The following CACNG2 variants were observed in gnomAD, a reference collection of about 807,000 sequenced individuals.
CACNG2 encodes voltage-dependent calcium channel gamma-2 subunit.
In CACNG2, 3 loss-of-function variants were observed where a neutral mutation model predicts 25.9. The ratio of observed to expected loss-of-function variants is 0.12; its 90% CI spans 0.05 to 0.30. CACNG2 has a LOEUF of 0.30. Ranked by LOEUF, CACNG2 falls within the 10% of genes least tolerant of loss-of-function variation. The pLI, the probability that CACNG2 is intolerant of heterozygous loss-of-function variation, is 1.00. For missense variants in CACNG2, 341 were observed against 432.5 expected (o/e 0.79, Z 1.88); for synonymous variants, 167 against 173.3 (o/e 0.96, Z 0.29).
intron 1 of CACNG2, among the ~76,000 whole-genome samples, chr22:36,590,838 C>T (rs1367635216): frequency 6.6e-6 from 1 of 152,134 alleles, no homozygotes; most frequent in African/African-American, 2.4e-5. Flanking sequence ...CCTCCTCCCT[C>T]CCTGTGCATC....
chr22:36,586,957 C>CT (rs552111507), intron 2 of CACNG2, among the ~76,000 whole-genome samples: 4,035 of 140,482 alleles, frequency 0.029, 66 homozygotes, highest in Middle Eastern at 0.074. Context: ...AAATCTCTCT[C>CT]TTTTTTTTTT....
intron 1 of CACNG2, among the ~76,000 whole-genome samples, chr22:36,613,256 A>G (rs1470176794): frequency 6.6e-6 from 1 of 151,976 alleles, no homozygotes; most frequent in Non-Finnish European, 1.5e-5. Flanking sequence ...ACTGCAGTAA[A>G]TGAATCTTGG....
At chr22:36,660,552 T>G (rs9622449) in intron 1 of CACNG2, among the ~76,000 whole-genome samples, 15,767 of 152,328 alleles carry the variant, frequency 0.1, 2,710 homozygotes, top group African/African-American at 0.36. Flanking sequence ...TTGAGCACAC[T>G]GCGCTGAGCT....
intron 1 of CACNG2, among the ~76,000 whole-genome samples, chr22:36,654,035 G>A (rs954689542): frequency 1.1e-4 from 16 of 150,062 alleles, no homozygotes; most frequent in African/African-American, 3.7e-4. Flanking sequence ...CGCATTTGGG[G>A]GGTACTTTCA....
intron 1 of CACNG2, among the ~76,000 whole-genome samples, chr22:36,596,169 CTGAG>C (rs1197366640): frequency 6.6e-6 from 1 of 152,182 alleles, no homozygotes; most frequent in African/African-American, 2.4e-5. Context: ...AGGAGGCTGT[CTGAG>C]TAATTTTTTA....
chr22:36,587,267 G>A (rs1935520318), intron 2 of CACNG2, among the ~76,000 whole-genome samples, 198 bp downstream of exon 2: 1 of 152,166 alleles, frequency 6.6e-6, no homozygotes, highest in East Asian at 1.9e-4. Context: ...GCCAGACAAA[G>A]ACGGGCAGGG....
chr22:36,602,091 A>G (rs1464046912), intron 1 of CACNG2, among the ~76,000 whole-genome samples: 2 of 152,056 alleles, frequency 1.3e-5, no homozygotes, highest in African/African-American at 4.8e-5. Context: ...ACACTTTTCC[A>G]TTTACCTATT....
At chr22:36,620,430 A>G (rs1321233257) in intron 1 of CACNG2, among the ~76,000 whole-genome samples, 1 of 152,238 alleles carries the variant, frequency 6.6e-6, no homozygotes, top group Non-Finnish European at 1.5e-5. Flanking sequence ...ATTTGGAGAA[A>G]AAGGATTCTA....
intron 1 of CACNG2, among the ~76,000 whole-genome samples, chr22:36,611,501 G>C (rs1935938652): frequency 6.6e-6 from 1 of 152,212 alleles, no homozygotes; most frequent in Non-Finnish European, 1.5e-5. Flanking sequence ...CCAGGAACTG[G>C]TAAACAGCTG....
At chr22:36,660,777 C>G (rs998821135) in intron 1 of CACNG2, among the ~76,000 whole-genome samples, 2 of 152,262 alleles carry the variant, frequency 1.3e-5, no homozygotes, top group East Asian at 1.9e-4. Context: ...TGCCCCATAA[C>G]AGCCCAGAGC....
At chr22:36,659,012 A>G (rs1005130693) in intron 1 of CACNG2, among the ~76,000 whole-genome samples, 4 of 152,210 alleles carry the variant, frequency 2.6e-5, no homozygotes, top group Non-Finnish European at 4.4e-5. Context: ...CTTTCACTCC[A>G]GCATGTGGCT....
At position 36,606,023 on chromosome 22, in the gene CACNG2, G is replaced by T. The variant is rs1023653311; in HGVS notation, c.212-18475C>A. ...GTGGCTGTGCCTCTCGCAGGAGAGC[G>T]TGGGTCTGAGTTCTCTTTCTGCCGT... On this transcript the variant is annotated intron_variant, in intron 1 of 3. Transcript: ENST00000300105. The surrounding 1 kb of genome is among the most constrained non-coding windows in gnomAD (Gnocchi z 5.7). Among the ~76,000 whole-genome samples the T allele has an allele frequency of 1.3e-5, 2 of 152,212 alleles. No individual in the cohort carries two copies. The highest frequency in any genetic ancestry group is 6.5e-5 in the Admixed American group (1 of 15,286).
intron 1 of CACNG2, among the ~76,000 whole-genome samples, chr22:36,613,170 G>C (rs926880158): frequency 5.9e-5 from 9 of 151,920 alleles, no homozygotes; most frequent in African/African-American, 2.2e-4. Flanking sequence ...GTGTGTGTGT[G>C]TGTGTGTGTG....
At chr22:36,593,835 T>G (rs1935632884) in intron 1 of CACNG2, among the ~76,000 whole-genome samples, 1 of 151,798 alleles carries the variant, frequency 6.6e-6, no homozygotes, top group Admixed American at 6.6e-5. Context: ...TGGAGCTCGG[T>G]GGGCCCTGGA....
intron 2 of CACNG2, among the ~76,000 whole-genome samples, chr22:36,573,781 A>G (rs1935270671): frequency 6.6e-6 from 1 of 152,178 alleles, no homozygotes; most frequent in Non-Finnish European, 1.5e-5. Context: ...CAGGCTCTAC[A>G]CTTTGCTGCC....
At chr22:36,624,826 G>A (rs1302211395) in intron 1 of CACNG2, among the ~76,000 whole-genome samples, 2 of 151,816 alleles carry the variant, frequency 1.3e-5, no homozygotes, top group Non-Finnish European at 2.9e-5. Flanking sequence ...TCAGGAGATC[G>A]AGACCATCCT....
chr22:36,666,893 C>T (rs1036637744), intron 1 of CACNG2, among the ~76,000 whole-genome samples: 1 of 152,048 alleles, frequency 6.6e-6, no homozygotes, highest in Non-Finnish European at 1.5e-5. Flanking sequence ...CCTGCCAGCA[C>T]GTTGCTCTTT....
chr22:36,645,536 C>CAAAAAAAAAAAAAA (rs200600420), intron 1 of CACNG2, among the ~76,000 whole-genome samples: 55 of 134,852 alleles, frequency 4.1e-4, no homozygotes, highest in African/African-American at 1.4e-3. Context: ...GACTCTGTCT[C>CAAAAAAAAAAAAAA]AAAAAAAAAA....
chr22:36,566,220 C>A lies in CACNG2; in HGVS notation c.436+133G>T, dbSNP rs1935121661. On this transcript the variant is annotated intron_variant, in intron 3 of 3. Transcript: ENST00000300105. ...GCCCCCCCACCACCTTCCTCCCCTG[C>A]AACACGACCTAGTGCAAGTCTTGGA... 2.2e-5 allele frequency: 20 copies of A among 922,760 alleles called. No homozygotes were observed. The South Asian group carries it at 2.6e-4, about 12-fold the overall frequency. The allele number at this position is 922,760 out of a possible 1,614,324, so 57.2% of individuals were successfully genotyped here. A position where few individuals can be genotyped will look rare whatever the true frequency, so the allele number is the denominator to read the frequency against.
Sources: gnomAD v4.1 joint callset for allele counts (sites outside exome capture counted in the v4.1 genomes callset) on GRCh38, gnomAD v4.1.1 for gene constraint, Gnocchi (gnomAD v3.1) non-coding constraint, MANE v1.5 for transcripts, NCBI Gene and HGNC (gene_info 2026-07-23, HGNC 2026-07-21) for gene names.